ARHGAP15: variants seen among roughly 807,000 people sequenced by gnomAD.
ARHGAP15 encodes Rho GTPase activating protein 15, also known as rho GTPase-activating protein 15.
A neutral mutation model predicts 63.7 loss-of-function variants in ARHGAP15; 51 were observed. The observed-to-expected ratio is 0.80, with a 90% CI of 0.64 to 1.01. ARHGAP15 has a LOEUF of 1.01. Among genes scored for constraint, ARHGAP15 ranks in the 50% least tolerant of loss-of-function variants. The pLI is 0.00. For synonymous variants in ARHGAP15, 191 were observed against 193.8 expected (o/e 0.99, Z 0.12); for missense variants, 560 against 564.6 (o/e 0.99, Z 0.08).
At position 143,647,023 on chromosome 2, in the gene ARHGAP15, G is replaced by A. The variant is rs187330740; in HGVS notation, c.1138+22756G>A. ...GGCACATTTTCTGGATGTGAGAGTT[G>A]GTCAAAAGATCACAAAAAAAGTCAA... On this transcript the variant is annotated intron_variant, in intron 12 of 13. Coordinates refer to ENST00000295095, the MANE Select transcript of ARHGAP15 (RefSeq NM_018460.4). Among the ~76,000 whole-genome samples the A allele has an allele frequency of 1.7e-4, 26 of 151,772 alleles. 1 individual carries two copies. The East Asian group carries it at 5.1e-3, about 30-fold the overall frequency.
At chr2:143,143,641 A>C (rs1193140580) in intron 1 of ARHGAP15, among the ~76,000 whole-genome samples, 1 of 151,846 alleles carries the variant, frequency 6.6e-6, no homozygotes, top group African/African-American at 2.4e-5. Context: ...TGGAACAAGA[A>C]ATAGAAAACC....
intron 5 of ARHGAP15, among the ~76,000 whole-genome samples, chr2:143,245,521 T>C (rs1249247866): frequency 6.6e-6 from 1 of 151,804 alleles, no homozygotes; most frequent in Non-Finnish European, 1.5e-5. Flanking sequence ...ACAGAGAACA[T>C]GAATTGAGGA....
intron 6 of ARHGAP15, among the ~76,000 whole-genome samples, chr2:143,416,367 A>G (rs933997411): frequency 1.3e-5 from 2 of 152,196 alleles, no homozygotes; most frequent in Non-Finnish European, 2.9e-5. Context: ...TCTCTTTGCC[A>G]AACTGAATTA....
At chr2:143,684,066 C>T (rs1683220324) in intron 12 of ARHGAP15, among the ~76,000 whole-genome samples, 1 of 134,494 alleles carries the variant, frequency 7.4e-6, no homozygotes, top group Non-Finnish European at 1.7e-5. Flanking sequence ...CACTTTTTTG[C>T]ACACATTTAT....
At chr2:143,498,441 T>C (rs1692916899) in intron 9 of ARHGAP15, among the ~76,000 whole-genome samples, 1 of 152,188 alleles carries the variant, frequency 6.6e-6, no homozygotes, top group Non-Finnish European at 1.5e-5. Flanking sequence ...GGGAGAGGTA[T>C]ATCTCCCAGC....
At chr2:143,579,432 C>A (rs1559061795) in intron 11 of ARHGAP15, among the ~76,000 whole-genome samples, 1 of 152,114 alleles carries the variant, frequency 6.6e-6, no homozygotes, top group African/African-American at 2.4e-5. Context: ...TCTGTCCTTG[C>A]AAAACGTCAT....
At chr2:143,527,321 T>G (rs1191459202) in intron 10 of ARHGAP15, among the ~76,000 whole-genome samples, 1 of 152,098 alleles carries the variant, frequency 6.6e-6, no homozygotes, top group African/African-American at 2.4e-5. Flanking sequence ...ACTCATGTCT[T>G]AGAGATTCCT....
chr2:143,434,503 A>G (rs1689524079), intron 6 of ARHGAP15, among the ~76,000 whole-genome samples: 2 of 152,114 alleles, frequency 1.3e-5, no homozygotes, highest in African/African-American at 4.8e-5. Flanking sequence ...TTAATGATAG[A>G]ATTATAGAGA....
chr2:143,270,424 T>G (rs1204537235), intron 6 of ARHGAP15, among the ~76,000 whole-genome samples: 1 of 152,238 alleles, frequency 6.6e-6, no homozygotes, highest in Non-Finnish European at 1.5e-5. Flanking sequence ...GTATTGCCTA[T>G]TTTTGAAAGA....
At chr2:143,316,174 G>GA (rs1174148662) in intron 6 of ARHGAP15, among the ~76,000 whole-genome samples, 1 of 152,062 alleles carries the variant, frequency 6.6e-6, no homozygotes, top group Non-Finnish European at 1.5e-5. Flanking sequence ...CATTATTTAA[G>GA]AAAATCAGAC....
chr2:143,502,142 C>T (rs1413418434), intron 9 of ARHGAP15, among the ~76,000 whole-genome samples: 7 of 152,140 alleles, frequency 4.6e-5, no homozygotes, highest in Admixed American at 3.9e-4. Context: ...GGTGCAGTGG[C>T]TCACACCAGT....
chr2:143,343,337 A>G (rs910980673), intron 6 of ARHGAP15, among the ~76,000 whole-genome samples: 1 of 152,040 alleles, frequency 6.6e-6, no homozygotes, highest in Non-Finnish European at 1.5e-5. Context: ...TGGGATAGAG[A>G]ATAAAGGCAA....
At chr2:143,458,795 C>A (rs1690780645) in intron 8 of ARHGAP15, among the ~76,000 whole-genome samples, 1 of 151,954 alleles carries the variant, frequency 6.6e-6, no homozygotes, top group African/African-American at 2.4e-5. Flanking sequence ...CCAAATATGC[C>A]AAAATAGAGC....
intron 13 of ARHGAP15, among the ~76,000 whole-genome samples, chr2:143,760,234 G>A (rs1686715701): frequency 6.6e-6 from 1 of 152,052 alleles, no homozygotes; most frequent in Admixed American, 6.6e-5. Flanking sequence ...CTAATAGAAT[G>A]CGTTTATCAT....
At chr2:143,409,091 G>C (rs1688334131) in intron 6 of ARHGAP15, among the ~76,000 whole-genome samples, 1 of 151,824 alleles carries the variant, frequency 6.6e-6, no homozygotes, top group Non-Finnish European at 1.5e-5. Flanking sequence ...TATTTTTTCA[G>C]AATAAATTGA....
chr2:143,410,659 T>C (rs891416203), intron 6 of ARHGAP15, among the ~76,000 whole-genome samples: 2 of 151,340 alleles, frequency 1.3e-5, no homozygotes, highest in Non-Finnish European at 2.9e-5. Flanking sequence ...TTAATGAGAC[T>C]GGAAATGGGC....
intron 11 of ARHGAP15, among the ~76,000 whole-genome samples, chr2:143,573,014 T>C (rs1423379298): frequency 1.3e-5 from 2 of 152,186 alleles, no homozygotes; most frequent in African/African-American, 4.8e-5. Flanking sequence ...CTTTATTCCA[T>C]CTTGTGTGTT....
At position 143,532,911 on chromosome 2, in the gene ARHGAP15, C is replaced by T. The variant is rs201185472; in HGVS notation, c.925+13547C>T. On this transcript the variant is annotated intron_variant, in intron 10 of 13. Coordinates refer to ENST00000295095, the MANE Select transcript of ARHGAP15 (RefSeq NM_018460.4). Reference sequence around the variant, plus strand: ...AAATTTCATACATTTCTAATTAATTCCCCAAACTTCCGTTACCAAAAAACT... The same window carrying T: ...AAATTTCATACATTTCTAATTAATTTCCCAAACTTCCGTTACCAAAAAACT... Among the ~76,000 whole-genome samples the T allele has an allele frequency of 1.7e-4, 26 of 152,186 alleles. No homozygotes were observed. In the East Asian group the frequency reaches 4.6e-3, roughly 27 times the overall value.
chr2:143,327,917 AAAAT>A (rs60411530), intron 6 of ARHGAP15, among the ~76,000 whole-genome samples: 18,048 of 151,902 alleles, frequency 0.12, 1,371 homozygotes, highest in African/African-American at 0.22. Context: ...ACAAAAAAAA[AAAAT>A]CCAAAAAGTG....
Sources: allele counts gnomAD v4.1 joint callset (sites outside exome capture counted in the v4.1 genomes callset), GRCh38; gene constraint gnomAD v4.1.1; transcripts MANE v1.5; gene names NCBI Gene and HGNC (gene_info 2026-07-23, HGNC 2026-07-21).